The following ESRP2 variants were observed in gnomAD, a reference collection of about 807,000 sequenced individuals.
ESRP2 encodes epithelial splicing regulatory protein 2.
Under a neutral mutation model 78.6 loss-of-function variants are expected in ESRP2, and 48 were observed. The ratio of observed to expected loss-of-function variants is 0.61; its 90% CI spans 0.48 to 0.78. ESRP2 has a LOEUF of 0.78. Among genes scored for constraint, ESRP2 ranks in the 30% least tolerant of loss-of-function variants. ESRP2 has a pLI of 0.00. For missense variants in ESRP2, 863 were observed against 965.9 expected, an observed-to-expected ratio of 0.89 and a Z score of 1.41; for synonymous variants, 383 against 406.7, an observed-to-expected ratio of 0.94 and a Z score of 0.70.
At position 68,236,058 on chromosome 16, in the gene ESRP2, A is replaced by G; in HGVS notation, c.-13T>C. The G allele has an allele frequency of 7.0e-7, 1 of 1,418,534 alleles. No individual in the cohort carries two copies. The highest frequency in any genetic ancestry group is 9.1e-7 in the Non-Finnish European group (1 of 1,099,058). 87.9% of individuals were successfully genotyped at this position (1,418,534 alleles called of 1,614,324 possible). A position where few individuals can be genotyped will look rare whatever the true frequency, so the allele number is the denominator to read the frequency against. ...GCGGCGGAGTCATGGCCGCAGAGGA[A>G]GGGGGCTCTCGGCCAGACACGCGGA... On this transcript the variant is annotated 5_prime_UTR_variant, in exon 1 of 15. Transcript: ENST00000473183. The surrounding 1 kb of genome is among the most constrained non-coding windows in gnomAD (Gnocchi z 5.2).
rs1454647075 is a variant in ESRP2 at position 68,231,227 on chromosome 16, C to T, written c.1662G>A (p.Gly554=). The change falls in exon 12 of 15, where the codon GGG becomes GGA. Residue 554 remains glycine, a synonymous_variant. Coordinates refer to ENST00000473183, the MANE Select transcript of ESRP2 (RefSeq NM_024939.3). This position sits in a 1 kb window ranked among gnomAD's most constrained non-coding sequence, Gnocchi z 6.0. ...STEEMSRVLM[G]GTLGRSGMSP... is the part of the protein sequence containing the mutation. ...ACATGCCACTGCGGCCCAAGGTGCC[C>T]CCCATCAGCACTCGGCTCATCTCCT... The T allele has an allele frequency of 1.2e-6, 2 of 1,613,916 alleles. No individual in the cohort carries two copies. Among genetic ancestry groups the T allele is most frequent in the Non-Finnish European group, 1.7e-6 (2 of 1,179,970 alleles).
Position 68,230,987 on chromosome 16 carries a change from T to TG in ESRP2, c.1751dup (p.Thr585AsnfsTer108). 1 of 1,601,486 alleles carries TG rather than the reference T, an allele frequency of 6.2e-7. No homozygotes were observed. Among genetic ancestry groups the TG allele is most frequent in the Non-Finnish European group, 8.5e-7 (1 of 1,174,074 alleles). ...CTGCCGTCTCCGTGGGAATGAGCGT[T>TG]GGGGTGGCTTGGAAGGTGGTGTAGG... On this transcript the variant is annotated frameshift_variant, in exon 13 of 15. Coordinates refer to ENST00000473183, the MANE Select transcript of ESRP2 (RefSeq NM_024939.3). LOFTEE classifies it high-confidence loss of function.
rs748194320 is a variant in ESRP2 at position 68,232,011 on chromosome 16, C to T, written c.1090G>A (p.Val364Met). Residue 364 changes from valine (V) to methionine (M), a missense_variant, in exon 10 of 15, where the codon GTG becomes ATG. Val to Met is a conservative substitution (Grantham distance 21, BLOSUM62 1). Coordinates refer to ENST00000473183, the MANE Select transcript of ESRP2 (RefSeq NM_024939.3). This position sits in a 1 kb window ranked among gnomAD's most constrained non-coding sequence, Gnocchi z 5.2. ...GLPFSAGPTD[V>M]LGFLGPECPV... ...CACTCTGGCCCCAGGAAGCCAAGCA[C>T]GTCCGTTGGCCCAGCCGAGAAGGGC... 45 of 1,613,974 alleles carry T rather than the reference C, an allele frequency of 2.8e-5. No homozygotes were observed. The highest frequency in any genetic ancestry group is 2.7e-5 in the African/African-American group (2 of 74,896).
rs143132880 is a variant in ESRP2 at position 68,234,539 on chromosome 16, C to T, written c.328-432G>A. 6.2e-5 allele frequency: 10 copies of T among 160,062 alleles called. No homozygotes were observed. The South Asian group carries it at 1.1e-3, about 18-fold the overall frequency. 9.9% of individuals were successfully genotyped at this position (160,062 alleles called of 1,614,324 possible). A position where few individuals can be genotyped will look rare whatever the true frequency, so the allele number is the denominator to read the frequency against. ...GAAGGCTCATGGTCAATGGCAGCCC[C>T]GCCTCCAGGTCTGACCAACCGAGGG... On this transcript the variant is annotated intron_variant, in intron 2 of 14. Coordinates refer to ENST00000473183, the MANE Select transcript of ESRP2 (RefSeq NM_024939.3).
rs1458500729 is a variant in ESRP2 at position 68,235,155 on chromosome 16, A to T, written c.327+479T>A. Reference sequence around the variant, plus strand: ...CAGCCGGCCGGGACAGGCCTAGACGAGCAGTTTACACCTGGCGGCGTCTAC... The same window carrying T: ...CAGCCGGCCGGGACAGGCCTAGACGTGCAGTTTACACCTGGCGGCGTCTAC... On this transcript the variant is annotated intron_variant, in intron 2 of 14. Transcript: ENST00000473183. The surrounding 1 kb of genome is among the most constrained non-coding windows in gnomAD (Gnocchi z 5.5). 21 of 985,190 alleles carry T rather than the reference A, an allele frequency of 2.1e-5. No homozygotes were observed. Among genetic ancestry groups the T allele is most frequent in the Non-Finnish European group, 2.5e-5 (21 of 829,912 alleles). The allele number at this position is 985,190 out of a possible 1,614,324, so 61.0% of individuals were successfully genotyped here. A position where few individuals can be genotyped will look rare whatever the true frequency, so the allele number is the denominator to read the frequency against.
chr16:68,233,271 G>T, intron 5 of ESRP2, 56 bp downstream of exon 5: 2 of 1,170,588 alleles, frequency 1.7e-6, no homozygotes, highest in Non-Finnish European at 2.6e-6. Context: ...GTGGGGAGGA[G>T]CAATAGGCAT....
chr16:68,230,443 A>G lies in ESRP2; in HGVS notation c.2010T>C (p.Gly670=). 2.5e-6 allele frequency: 4 copies of G among 1,612,998 alleles called. No homozygotes were observed. Among genetic ancestry groups the G allele is most frequent in the Middle Eastern group, 3.3e-4 (2 of 6,058 alleles). ...SQSGALVRMQ[G]VPYTAGMKDL... is the part of the protein sequence containing the mutation. ...CCTTCATACCAGCCGTGTATGGGAC[A>G]CCCTGCATGCGGACCAAGGCTCCTG... The change falls in exon 14 of 15, where the codon GGT becomes GGC. Residue 670 remains glycine (G), a synonymous_variant. Transcript: ENST00000473183.
At position 68,230,973 on chromosome 16, in the gene ESRP2, G is replaced by A. The variant is rs755393677; in HGVS notation, c.1766C>T (p.Thr589Met). Residue 589 changes from threonine (T) to methionine (M), a missense_variant, in exon 13 of 15, where the codon ACG becomes ATG. Thr to Met is a moderately conservative substitution (Grantham distance 81). Transcript: ENST00000473183. ...TFQATPTLIP[T>M]ETAALYPSSA... is the part of the protein sequence containing the mutation. ...AGAGGGGTATAGAGCTGCCGTCTCCGTGGGAATGAGCGTTGGGGTGGCTTG... is the reference window on the plus strand; with the variant it reads ...AGAGGGGTATAGAGCTGCCGTCTCCATGGGAATGAGCGTTGGGGTGGCTTG... 33 of 1,607,002 alleles carry A rather than the reference G, an allele frequency of 2.1e-5. No individual in the cohort carries two copies. Among genetic ancestry groups the A allele is most frequent in the East Asian group, 1.3e-4 (6 of 44,870 alleles).
rs377157836 is a variant in ESRP2, at chr16:68,230,431, C to T, written c.2022G>A (p.Thr674=). The T allele has an allele frequency of 1.2e-3, 1,952 of 1,613,060 alleles. 35 individuals are homozygous for T. In the South Asian group the frequency reaches 0.02, roughly 16 times the overall value. The part of the protein sequence containing the change: ...ALVRMQGVPY[T]AGMKDLLSVF... ...CGCTGAGCAGATCCTTCATACCAGC[C>T]GTGTATGGGACACCCTGCATGCGGA... Residue 674 remains threonine, a synonymous_variant, in exon 14 of 15, where the codon ACG becomes ACA. Coordinates refer to ENST00000473183, the MANE Select transcript of ESRP2 (RefSeq NM_024939.3).
In ESRP2 at chr16:68,235,892, A is replaced by T. The variant is rs759139431; in HGVS notation, c.154T>A (p.Leu52Ile). ...GRDLGSDETDLILLVWQVVEP... is the reference protein window; with the variant it reads ...GRDLGSDETDIILLVWQVVEP... Reference sequence around the variant, plus strand: ...ACCACTTGCCAAACTAGGAGGATTAAGTCGGTCTCGTCCGAGCCCAGGTCC... The same window carrying T: ...ACCACTTGCCAAACTAGGAGGATTATGTCGGTCTCGTCCGAGCCCAGGTCC... Residue 52 changes from leucine (L) to isoleucine (I), a missense_variant, in exon 1 of 15, where the codon TTA becomes ATA. Physicochemically the swap from Leu to Ile is conservative, Grantham distance 5 (BLOSUM62 2). Coordinates refer to ENST00000473183, the MANE Select transcript of ESRP2 (RefSeq NM_024939.3). This position sits in a 1 kb window ranked among gnomAD's most constrained non-coding sequence, Gnocchi z 5.5. 3.7e-6 allele frequency: 6 copies of T among 1,611,518 alleles called. No homozygotes were observed. The East Asian group carries it at 1.3e-4, about 36-fold the overall frequency.
chr16:68,235,393 G>A lies in ESRP2; in HGVS notation c.327+241C>T, dbSNP rs2042210229. On this transcript the variant is annotated intron_variant, in intron 2 of 14. Coordinates refer to ENST00000473183, the MANE Select transcript of ESRP2 (RefSeq NM_024939.3). The surrounding 1 kb of genome is among the most constrained non-coding windows in gnomAD (Gnocchi z 5.5). ...GGATGGATCCCAAAGCCTGCGTCCC[G>A]ATCCCTTCGGTAGGAGTAGGTTCCT... The A allele has an allele frequency of 1.0e-6, 1 of 985,334 alleles. No individual in the cohort carries two copies. Among genetic ancestry groups the A allele is most frequent in the African/African-American group, 1.7e-5 (1 of 57,250 alleles). The allele number at this position is 985,334 out of a possible 1,614,324, so 61.0% of individuals were successfully genotyped here. A position where few individuals can be genotyped will look rare whatever the true frequency, so the allele number is the denominator to read the frequency against.
chr16:68,232,784 C>T lies in ESRP2; in HGVS notation c.687G>A (p.Lys229=), dbSNP rs758830514. 1.2e-6 allele frequency: 2 copies of T among 1,614,250 alleles called. No homozygotes were observed. Among genetic ancestry groups the T allele is most frequent in the Admixed American group, 1.7e-5 (1 of 60,032 alleles). The change falls in exon 6 of 15, where the codon AAG becomes AAA. Residue 229 remains lysine, a synonymous_variant. Transcript: ENST00000473183. The surrounding 1 kb of genome is among the most constrained non-coding windows in gnomAD (Gnocchi z 5.2). ...ACCAAGGCCCCGTCTCGTATTTCTG[C>T]TTTATCACCTCGGGCTTCGAAAACA... The part of the protein sequence containing the change: ...SQLFSKPEVI[K]QKYETGPCSK...
chr16:68,234,999 T>A (rs1455964308), intron 2 of ESRP2: 1 of 368,086 alleles, frequency 2.7e-6, no homozygotes, highest in Non-Finnish European at 3.8e-6. Flanking sequence ...AGCGCCGTAG[T>A]GAAGATAAGG....
Position 68,231,512 on chromosome 16 carries a change from G to A in ESRP2, c.1482C>T (p.Pro494=). 6.2e-7 allele frequency: 1 copy of A among 1,614,048 alleles called. No individual in the cohort carries two copies. The change falls in exon 11 of 15, where the codon CCC becomes CCT. Residue 494 remains proline, a synonymous_variant. Transcript: ENST00000473183. The surrounding 1 kb of genome is among the most constrained non-coding windows in gnomAD (Gnocchi z 6.0). ...FLGEAAADIR[P]HGVHMVLNQQ... ...GGTTGAGCACCATGTGTACACCGTG[G>A]GGCCGAATGTCAGCTGCTGCCTCCC...
chr16:68,233,620 G>T, intron 4 of ESRP2, 148 bp downstream of exon 4: 1 of 741,122 alleles, frequency 1.3e-6, no homozygotes, highest in Non-Finnish European at 2.3e-6. Flanking sequence ...ACTCATCCTA[G>T]CACAGACACG....
rs202161052 is a variant in ESRP2 at position 68,231,302 on chromosome 16, A to G, written c.1587T>C (p.His529=). Residue 529 remains histidine (H), a synonymous_variant, in exon 12 of 15, where the codon CAT becomes CAC. Coordinates refer to ENST00000473183, the MANE Select transcript of ESRP2 (RefSeq NM_024939.3). This position sits in a 1 kb window ranked among gnomAD's most constrained non-coding sequence, Gnocchi z 6.0. ...ERALAAAQRC[H]KKVMKERYVE... is the part of the protein sequence containing the mutation. ...CGTAGCGCTCCTTCATCACCTTCTT[A>G]TGGCAACGCTGAGCAGCAGCTAGGG... 144 of 1,614,060 alleles carry G rather than the reference A, an allele frequency of 8.9e-5. No individual in the cohort carries two copies. Among genetic ancestry groups the G allele is most frequent in the Middle Eastern group, 1.6e-4 (1 of 6,062 alleles).
chr16:68,230,368 C>T (rs781168292), intron 14 of ESRP2, 21 bp downstream of exon 14: 1 of 1,613,974 alleles, frequency 6.2e-7, no homozygotes, highest in Admixed American at 1.7e-5. Flanking sequence ...CCCGCCAGGC[C>T]CTCCGGCCAC....
intron 4 of ESRP2, 130 bp from the exon 5 acceptor site, chr16:68,233,555 T>G: frequency 1.3e-6 from 1 of 799,448 alleles, no homozygotes; most frequent in Middle Eastern, 2.4e-4. Context: ...CCAGTTCATG[T>G]GTGCACATAC....
In ESRP2 at chr16:68,232,833, G is replaced by A; in HGVS notation, c.656-18C>T. ...CAATTGACCTGAGAAAAGATGGCCT[G>A]GGGGTCAGCAGGGTCTGGTGGAGAG... is the stretch of plus-strand genomic sequence containing the variant. On this transcript the variant is annotated intron_variant, in intron 5 of 14. Transcript: ENST00000473183. This position sits in a 1 kb window ranked among gnomAD's most constrained non-coding sequence, Gnocchi z 5.2. 6.2e-7 allele frequency: 1 copy of A among 1,600,994 alleles called. No homozygotes were observed. The highest frequency in any genetic ancestry group is 2.2e-5 in the East Asian group (1 of 44,892).
Sources: allele counts gnomAD v4.1 joint callset, GRCh38; gene constraint gnomAD v4.1.1; non-coding constraint Gnocchi (gnomAD v3.1); transcripts MANE v1.5; gene names NCBI Gene and HGNC (gene_info 2026-07-23, HGNC 2026-07-21).